COIL: variants seen among roughly 807,000 people sequenced by gnomAD.
COIL encodes the protein coilin.
Under a neutral mutation model 51.6 loss-of-function variants are expected in COIL, and 28 were observed. That is an observed-to-expected ratio of 0.54 (90% confidence interval 0.40 to 0.74). The LOEUF is 0.74. Ranked by LOEUF, COIL falls within the 30% of genes least tolerant of loss-of-function variation. The pLI, the probability that COIL is intolerant of heterozygous loss-of-function variation, is 0.00. For synonymous variants in COIL, 233 were observed against 255.8 expected, an observed-to-expected ratio of 0.91 and a Z score of 0.85; for missense variants, 667 against 685.9, an observed-to-expected ratio of 0.97 and a Z score of 0.31.
chr17:56,949,902 G>A lies in COIL; in HGVS notation c.1340C>T (p.Ser447Phe), dbSNP rs1910323156. The A allele has an allele frequency of 4.3e-6, 7 of 1,613,774 alleles. No individual in the cohort carries two copies. In the East Asian group the frequency reaches 1.6e-4, roughly 36 times the overall value. The change falls in exon 2 of 7, where the codon TCT becomes TTT. Residue 447 changes from serine to phenylalanine, a missense_variant. Coordinates refer to ENST00000240316, the MANE Select transcript of COIL (RefSeq NM_004645.3). ...QQLNDVVKNS[S>F]TIIQNPVETP... ...AATAATACTTACCTGGATAATAGTA[G>A]ATGAATTTTTTACCACGTCATTTAA...
intron 6 of COIL, among the ~76,000 whole-genome samples, chr17:56,941,824 C>G (rs890345411): frequency 1.3e-5 from 2 of 152,290 alleles, no homozygotes; most frequent in East Asian, 3.9e-4. Flanking sequence ...AACAACTGTA[C>G]ACTCTTAAAG....
intron 1 of COIL, among the ~76,000 whole-genome samples, chr17:56,953,954 T>A (rs989374161): frequency 6.6e-6 from 1 of 152,330 alleles, no homozygotes; most frequent in Non-Finnish European, 1.5e-5. Flanking sequence ...AAAAGCCAGT[T>A]TGGCATCCTG....
intron 1 of COIL, among the ~76,000 whole-genome samples, chr17:56,959,906 G>C (rs1218931425): frequency 6.6e-6 from 1 of 152,218 alleles, no homozygotes. Flanking sequence ...AGCATCCCGG[G>C]AAGGATGCTC....
At chr17:56,948,559 T>C (rs1910294306) in intron 4 of COIL, among the ~76,000 whole-genome samples, 1 of 151,900 alleles carries the variant, frequency 6.6e-6, no homozygotes, top group South Asian at 2.1e-4. Flanking sequence ...CCTTAAAAAA[T>C]GGTCTTACAT....
Position 56,938,909 on chromosome 17 carries a change from G to A in COIL, c.*162C>T. On this transcript the variant is annotated 3_prime_UTR_variant, in exon 7 of 7. Transcript: ENST00000240316. Reference sequence around the variant, plus strand: ...AAAGATCTACAAAACCGACACCCATGTCATTTTAAATGATGAGGTAGATTG... The same window carrying A: ...AAAGATCTACAAAACCGACACCCATATCATTTTAAATGATGAGGTAGATTG... 1 of 471,400 alleles carries A rather than the reference G, an allele frequency of 2.1e-6. No homozygotes were observed. Among genetic ancestry groups the A allele is most frequent in the South Asian group, 3.9e-5 (1 of 25,436 alleles). 29.2% of individuals were successfully genotyped at this position (471,400 alleles called of 1,614,324 possible).
rs141965497 is a variant in COIL, at chr17:56,939,377, T to A, written c.1648-223A>T. ...TGGAAGGCCGAGGGGGAGAAATGCTTGAGCCCAGGAGTTCAAGATCAGCCT... is the reference window on the plus strand; with the variant it reads ...TGGAAGGCCGAGGGGGAGAAATGCTAGAGCCCAGGAGTTCAAGATCAGCCT... On this transcript the variant is annotated intron_variant, in intron 6 of 6. Transcript: ENST00000240316. 2.0e-5 allele frequency among the ~76,000 whole-genome samples: 3 copies of A among 152,116 alleles called. No homozygotes were observed. The East Asian group carries it at 5.8e-4, about 29-fold the overall frequency.
intron 1 of COIL, among the ~76,000 whole-genome samples, chr17:56,953,430 A>AC (rs1272330051): frequency 2.7e-5 from 4 of 150,918 alleles, no homozygotes; most frequent in South Asian, 4.2e-4. Flanking sequence ...AAAAAAAAAA[A>AC]ATACAAACAT....
At chr17:56,960,534 A>T (rs547359738) in intron 1 of COIL, among the ~76,000 whole-genome samples, 86 of 111,396 alleles carry the variant, frequency 7.7e-4, no homozygotes, top group Admixed American at 1.9e-3. Flanking sequence ...AAAAAAAAAA[A>T]AATAATAATA....
rs934296164 is a variant in COIL at position 56,957,041 on chromosome 17, G to A, written c.245+3734C>T. 3.5e-4 allele frequency among the ~76,000 whole-genome samples: 54 copies of A among 152,128 alleles called. 1 individual carries two copies. The highest frequency in any genetic ancestry group is 1.9e-4 in the East Asian group (1 of 5,188). ...TCCCAACACTTTGGGAGGCCAAGGC[G>A]GGAGGACTACTTGAGCCCAGGAGTT... On this transcript the variant is annotated intron_variant, in intron 1 of 6. Coordinates refer to ENST00000240316, the MANE Select transcript of COIL (RefSeq NM_004645.3).
chr17:56,949,496 C>T (rs1481784281), intron 3 of COIL, 62 bp from the exon 4 acceptor site: 2 of 1,539,874 alleles, frequency 1.3e-6, no homozygotes, highest in Non-Finnish European at 1.8e-6. Flanking sequence ...ATTCCCACAG[C>T]TCCTCCATCA....
At position 56,944,556 on chromosome 17, in the gene COIL, A is replaced by T. The variant is rs998009216; in HGVS notation, c.1558+1886T>A. On this transcript the variant is annotated intron_variant, in intron 5 of 6. Coordinates refer to ENST00000240316, the MANE Select transcript of COIL (RefSeq NM_004645.3). The stretch of plus-strand genomic sequence containing the variant: ...GCACTGAGCCGAGATCGCCCACTGC[A>T]CTCCAGCCTGGACAACAGAGTGAGA... Among the ~76,000 whole-genome samples, 3 of 151,308 alleles carry T rather than the reference A, an allele frequency of 2.0e-5. No individual in the cohort carries two copies. In the East Asian group the frequency reaches 5.9e-4, roughly 30 times the overall value.
Position 56,960,812 on chromosome 17 carries a change from CGGCGGG to C in COIL, c.202_207del (p.Pro68_Ala69del). The C allele has an allele frequency of 6.3e-7, 1 of 1,579,078 alleles. No individual in the cohort carries two copies. Among genetic ancestry groups the C allele is most frequent in the African/African-American group, 1.4e-5 (1 of 73,836 alleles). On this transcript the variant is annotated inframe_deletion, in exon 1 of 7. Coordinates refer to ENST00000240316, the MANE Select transcript of COIL (RefSeq NM_004645.3). ...TTGTCTCTCACAAGGCGCGCGCTCT[CGGCGGG>C]GGGCAAGAGCCCCCCCTCCAGGTAG...
intron 1 of COIL, among the ~76,000 whole-genome samples, chr17:56,953,174 G>T (rs1008139912): frequency 1.3e-5 from 2 of 152,050 alleles, no homozygotes; most frequent in East Asian, 3.9e-4. Flanking sequence ...CACTTTGGGA[G>T]GTCAAGGTGG....
chr17:56,951,468 G>A (rs1910368428), intron 1 of COIL: 1 of 153,476 alleles, frequency 6.5e-6, no homozygotes, highest in Non-Finnish European at 1.4e-5. Context: ...CAGAATGTGG[G>A]CTTCTTTCTT....
intron 6 of COIL, chr17:56,941,146 A>AG (rs1438659120): frequency 6.6e-6 from 1 of 151,874 alleles, no homozygotes; most frequent in African/African-American, 2.4e-5. Context: ...CAAAAAAAAA[A>AG]AAAAAAAAAA....
Position 56,946,472 on chromosome 17 carries a change from C to T in COIL, c.1528G>A (p.Val510Ile). 6.2e-7 allele frequency: 1 copy of T among 1,611,222 alleles called. No individual in the cohort carries two copies. The highest frequency in any genetic ancestry group is 1.3e-5 in the African/African-American group (1 of 74,978). The change falls in exon 5 of 7, where the codon GTA becomes ATA. Residue 510 changes from valine (V) to isoleucine (I), a missense_variant. Val to Ile is a conservative substitution (Grantham distance 29, BLOSUM62 3). Coordinates refer to ENST00000240316, the MANE Select transcript of COIL (RefSeq NM_004645.3). ...AAGGATGAAAGAATTTCTATATCTA[C>T]TTGCTGGGTCTCTGGATTGTGGCTT... ...ILSHNPETQQ[V>I]DIEILSSLPA... is the part of the protein sequence containing the mutation.
At chr17:56,943,004 C>T (rs2158404) in intron 5 of COIL, among the ~76,000 whole-genome samples, 27,160 of 152,130 alleles carry the variant, frequency 0.18, 2,724 homozygotes, top group African/African-American at 0.28. Context: ...ATATATTGTA[C>T]TTATGAGTAC....
At position 56,949,707 on chromosome 17, in the gene COIL, G is replaced by T; in HGVS notation, c.1414C>A (p.Gln472Lys). The change falls in exon 3 of 7, where the codon CAA (glutamine) becomes AAA (lysine). Residue 472 changes from glutamine to lysine, a missense_variant. Coordinates refer to ENST00000240316, the MANE Select transcript of COIL (RefSeq NM_004645.3). ...SLLPLLAAAP[Q>K]VGEKIAFKLL... ...TTAAATGCAATCTTTTCTCCAACTT[G>T]AGGGGCAGCTGCTAACAGTGGTAAC... The T allele has an allele frequency of 6.2e-7, 1 of 1,614,084 alleles. No homozygotes were observed. The highest frequency in any genetic ancestry group is 8.5e-7 in the Non-Finnish European group (1 of 1,179,932).
chr17:56,942,053 A>G lies in COIL; in HGVS notation c.1629T>C (p.Ala543=). 1 of 1,614,080 alleles carries G rather than the reference A, an allele frequency of 6.2e-7. No individual in the cohort carries two copies. The highest frequency in any genetic ancestry group is 8.5e-7 in the Non-Finnish European group (1 of 1,179,898). ...NENGAEVVEY[A]VTQESKITVF... ...CACCTACCTTGCTCTCCTGTGTCAC[A>G]GCGTACTCCACTACCTCGGCTCCAT... is the stretch of plus-strand genomic sequence containing the variant. Residue 543 remains alanine (A), a synonymous_variant, in exon 6 of 7, where the codon GCT becomes GCC. Coordinates refer to ENST00000240316, the MANE Select transcript of COIL (RefSeq NM_004645.3).
Sources: gnomAD v4.1 joint callset for allele counts (sites outside exome capture counted in the v4.1 genomes callset) on GRCh38, gnomAD v4.1.1 for gene constraint, MANE v1.5 for transcripts, NCBI Gene and HGNC (gene_info 2026-07-23, HGNC 2026-07-21) for gene names.